Variants in KCNJ15 observed in about 807,000 individuals in gnomAD.
KCNJ15 encodes the protein ATP-sensitive inward rectifier potassium channel 15.
KCNJ15 carries 14 observed loss-of-function variants against 23.0 expected under a neutral mutation model. That is an observed-to-expected ratio of 0.61 (90% CI 0.40 to 0.95). KCNJ15 has a LOEUF of 0.95. Ranked by LOEUF, KCNJ15 falls within the 40% of genes least tolerant of loss-of-function variation. The pLI is 0.00. For missense variants in KCNJ15, 388 were observed against 461.8 expected (o/e 0.84, Z 1.46); for synonymous variants, 185 against 183.2 (o/e 1.01, Z -0.08).
rs1980395287 is a variant in KCNJ15 at position 38,257,581 on chromosome 21, T to C, written c.-117+396T>C. Reference sequence around the variant, plus strand: ...TAATTCTGAAGCAGTTACTTTCCTTTGTCAATGGGGAAATCAGTTTAGATT... The same window carrying C: ...TAATTCTGAAGCAGTTACTTTCCTTCGTCAATGGGGAAATCAGTTTAGATT... On this transcript the variant is annotated intron_variant, in intron 1 of 2. Transcript: ENST00000398938. Among the ~76,000 whole-genome samples, 5 of 152,350 alleles carry C rather than the reference T, an allele frequency of 3.3e-5. No individual in the cohort carries two copies. The South Asian group carries it at 6.2e-4, about 19-fold the overall frequency.
At chr21:38,298,597 GA>G (rs1298294194) in intron 2 of KCNJ15, among the ~76,000 whole-genome samples, 1 of 152,102 alleles carries the variant, frequency 6.6e-6, no homozygotes, top group Non-Finnish European at 1.5e-5. Context: ...AGATTAGGGG[GA>G]AAACGAATTG....
intron 1 of KCNJ15, among the ~76,000 whole-genome samples, chr21:38,250,970 A>C (rs1387389857): frequency 2.6e-5 from 4 of 152,214 alleles, no homozygotes; most frequent in African/African-American, 7.2e-5. Flanking sequence ...CACGGCACAC[A>C]TACCTCACAG....
At chr21:38,239,671 G>A (rs891330533) in intron 1 of KCNJ15, among the ~76,000 whole-genome samples, 16 of 152,322 alleles carry the variant, frequency 1.1e-4, no homozygotes, top group Admixed American at 2.6e-4. Flanking sequence ...CCAAAGATAC[G>A]AGAAATCGTA....
intron 1 of KCNJ15, among the ~76,000 whole-genome samples, chr21:38,244,454 T>G (rs1163403225): frequency 2.6e-5 from 4 of 152,082 alleles, no homozygotes; most frequent in Non-Finnish European, 5.9e-5. Context: ...AGAATATAGA[T>G]CTATTGTCTT....
chr21:38,273,850 C>G (rs1246785340), intron 1 of KCNJ15, among the ~76,000 whole-genome samples: 1 of 152,236 alleles, frequency 6.6e-6, no homozygotes, highest in Non-Finnish European at 1.5e-5. Context: ...ATCCAACCCT[C>G]TCATTTTACA....
rs756722710 is a variant in KCNJ15 at position 38,299,255 on chromosome 21, C to G, written c.-7C>G. 7.5e-6 allele frequency: 12 copies of G among 1,604,820 alleles called. No individual in the cohort carries two copies. The African/African-American group carries it at 1.2e-4, about 16-fold the overall frequency. ...GTCATTTCTCTAAGTGTTTCCAGAG[C>G]CTGGCAATGGATGCCATTCACATCG... On this transcript the variant is annotated 5_prime_UTR_variant, in exon 3 of 3. Coordinates refer to ENST00000398938, the MANE Select transcript of KCNJ15 (RefSeq NM_170736.3). The surrounding 1 kb of genome is among the most constrained non-coding windows in gnomAD (Gnocchi z 4.5).
intron 1 of KCNJ15, among the ~76,000 whole-genome samples, chr21:38,251,144 G>A (rs960987073): frequency 6.6e-6 from 1 of 152,224 alleles, no homozygotes; most frequent in African/African-American, 2.4e-5. Context: ...GTGGGCTGGA[G>A]AAGGTAACTG....
At chr21:38,263,377 C>T in intron 1 of KCNJ15, among the ~76,000 whole-genome samples, 1 of 152,138 alleles carries the variant, frequency 6.6e-6, no homozygotes, top group East Asian at 1.9e-4. Flanking sequence ...GAGCGGAGTC[C>T]TGTGAGGGTC....
Position 38,305,670 on chromosome 21 carries a change from T to C in KCNJ15, c.*5281T>C, listed in dbSNP as rs1027366323. ...AAATGTCTTACATGCAACCTTTTTT[T>C]CCCCATATATTACAAAATTGCCTTG... On this transcript the variant is annotated 3_prime_UTR_variant, in exon 3 of 3. Coordinates refer to ENST00000398938, the MANE Select transcript of KCNJ15 (RefSeq NM_170736.3). The C allele has an allele frequency of 1.3e-5, 2 of 152,216 alleles. No individual in the cohort carries two copies. Among genetic ancestry groups the C allele is most frequent in the East Asian group, 1.9e-4 (1 of 5,202 alleles). 9.4% of individuals were successfully genotyped at this position (152,216 alleles called of 1,614,324 possible).
chr21:38,292,924 G>A (rs1330471492), intron 1 of KCNJ15, among the ~76,000 whole-genome samples: 5 of 148,732 alleles, frequency 3.4e-5, no homozygotes, highest in African/African-American at 1.3e-4. Flanking sequence ...AGCCAAGATT[G>A]TGCCACTGCA....
Position 38,299,417 on chromosome 21 carries a change from A to G in KCNJ15, c.156A>G (p.Gln52=). 2 of 1,614,204 alleles carry G rather than the reference A, an allele frequency of 1.2e-6. No individual in the cohort carries two copies. The highest frequency in any genetic ancestry group is 4.5e-5 in the East Asian group (2 of 44,876). Residue 52 remains glutamine (Q), a synonymous_variant, in exon 3 of 3, where the codon CAA becomes CAG. Transcript: ENST00000398938. The surrounding 1 kb of genome is among the most constrained non-coding windows in gnomAD (Gnocchi z 4.5). Reference sequence around the variant, plus strand: ...ATGGCATATACCTACTCTACCTGCAAGACCTGTGGACCACAGTTATCGACA... The same window carrying G: ...ATGGCATATACCTACTCTACCTGCAGGACCTGTGGACCACAGTTATCGACA... ...KVDGIYLLYL[Q]DLWTTVIDMK...
At chr21:38,271,918 C>A (rs778740645) in intron 1 of KCNJ15, among the ~76,000 whole-genome samples, 6 of 152,198 alleles carry the variant, frequency 3.9e-5, no homozygotes, top group Non-Finnish European at 8.8e-5. Context: ...ATAATTTCTC[C>A]ACCGTTAGAG....
intron 1 of KCNJ15, among the ~76,000 whole-genome samples, chr21:38,248,360 G>C (rs1979596827): frequency 6.6e-6 from 1 of 152,202 alleles, no homozygotes; most frequent in Non-Finnish European, 1.5e-5. Flanking sequence ...AAACTTTATA[G>C]CTTATCAGTA....
At chr21:38,245,160 G>A (rs1979276944) in intron 1 of KCNJ15, among the ~76,000 whole-genome samples, 1 of 151,954 alleles carries the variant, frequency 6.6e-6, no homozygotes, top group Admixed American at 6.6e-5. Flanking sequence ...GCAAGGCGGG[G>A]CTGGAGACCT....
At chr21:38,242,715 C>T (rs542085523) in intron 1 of KCNJ15, among the ~76,000 whole-genome samples, 6 of 152,172 alleles carry the variant, frequency 3.9e-5, no homozygotes, top group African/African-American at 1.4e-4. Context: ...CCAGGAGGCT[C>T]TATCTAACAG....
chr21:38,278,388 A>G (rs187277336), intron 1 of KCNJ15, among the ~76,000 whole-genome samples: 102 of 152,320 alleles, frequency 6.7e-4, no homozygotes, highest in African/African-American at 2.3e-3. Flanking sequence ...GCTTTAACTT[A>G]TCTAGCCTCC....
chr21:38,301,573 A>C lies in KCNJ15; in HGVS notation c.*1184A>C, dbSNP rs1026805445. The C allele has an allele frequency of 6.0e-6, 1 of 167,056 alleles. No individual in the cohort carries two copies. Among genetic ancestry groups the C allele is most frequent in the African/African-American group, 2.4e-5 (1 of 41,422 alleles). 10.3% of individuals were successfully genotyped at this position (167,056 alleles called of 1,614,324 possible). A position where few individuals can be genotyped will look rare whatever the true frequency, so the allele number is the denominator to read the frequency against. The stretch of plus-strand genomic sequence containing the variant: ...CTGACAATACAGGAAATGTTCTCAG[A>C]TGCTGATGTTTGTAAGGTCCGGTGG... On this transcript the variant is annotated 3_prime_UTR_variant, in exon 3 of 3. Transcript: ENST00000398938.
In KCNJ15 at chr21:38,289,196, C is replaced by CAAAAA. The variant is rs66914079; in HGVS notation, c.-116-7712_-116-7708dup. Among the ~76,000 whole-genome samples, 327 of 72,386 alleles carry CAAAAA rather than the reference C, an allele frequency of 4.5e-3. 6 individuals are homozygous for CAAAAA. The highest frequency in any genetic ancestry group is 0.014 in the African/African-American group (293 of 21,272). The allele number at this position is 72,386 out of a possible 152,430, so 47.5% of individuals were successfully genotyped here. On this transcript the variant is annotated intron_variant, in intron 1 of 2. Transcript: ENST00000398938. Reference sequence around the variant, plus strand: ...CCTCGGCAACAGAGCAAGACTGTCTCAAAAAAAAAAAAAAAAAAAAAAGGT... The same window carrying CAAAAA: ...CCTCGGCAACAGAGCAAGACTGTCTCAAAAAAAAAAAAAAAAAAAAAAAAAAAGGT...
intron 1 of KCNJ15, among the ~76,000 whole-genome samples, chr21:38,231,779 G>A (rs1287959697): frequency 1.3e-5 from 2 of 151,644 alleles, no homozygotes; most frequent in African/African-American, 4.8e-5. Flanking sequence ...TGGTTTTTTG[G>A]ATGTTAGACC....
Sources: allele counts gnomAD v4.1 joint callset (sites outside exome capture counted in the v4.1 genomes callset), GRCh38; gene constraint gnomAD v4.1.1; non-coding constraint Gnocchi (gnomAD v3.1); transcripts MANE v1.5; gene names NCBI Gene and HGNC (gene_info 2026-07-23, HGNC 2026-07-21).